The following PCDHA4 variants were observed in gnomAD, a reference collection of about 807,000 sequenced individuals.
PCDHA4 encodes the protein protocadherin alpha-4.
In PCDHA4, 49 loss-of-function variants were observed where a neutral mutation model predicts 61.4. That is an observed-to-expected ratio of 0.80 (90% CI 0.63 to 1.01). The LOEUF (loss-of-function observed/expected upper bound fraction) is 1.01. Among genes scored for constraint, PCDHA4 ranks in the 50% least tolerant of loss-of-function variants. PCDHA4 has a pLI of 0.00. For missense variants in PCDHA4, 1,254 were observed against 1,235.8 expected, an observed-to-expected ratio of 1.01 and a Z score of -0.22; for synonymous variants, 590 against 550.3, an observed-to-expected ratio of 1.07 and a Z score of -1.01.
At chr5:140,871,314 G>C (rs199741530) in intron 1 of PCDHA4, 3 of 1,614,048 alleles carry the variant, frequency 1.9e-6, no homozygotes, top group Admixed American at 3.3e-5. Flanking sequence ...GGAAGCCCAC[G>C]CTGGTGTGCT....
At chr5:140,851,158 C>G (rs2041978839) in intron 1 of PCDHA4, 1 of 1,299,046 alleles carries the variant, frequency 7.7e-7, no homozygotes, top group African/African-American at 1.5e-5. Context: ...ATTTCTGATG[C>G]TATGCTGCCA....
chr5:140,835,538 T>A, intron 1 of PCDHA4: 1 of 1,613,946 alleles, frequency 6.2e-7, no homozygotes, highest in African/African-American at 1.3e-5. Context: ...ACGGACAGGT[T>A]ACCTGCTCCC....
At chr5:140,870,132 C>T (rs371110623) in intron 1 of PCDHA4, 43 of 1,613,852 alleles carry the variant, frequency 2.7e-5, no homozygotes, top group East Asian at 4.5e-5. Context: ...TGGACACCAA[C>T]GATAACTCTC....
At chr5:140,998,533 T>C (rs1362807124) in intron 3 of PCDHA4, among the ~76,000 whole-genome samples, 1 of 152,020 alleles carries the variant, frequency 6.6e-6, no homozygotes, top group Non-Finnish European at 1.5e-5. Flanking sequence ...TTTATATCCC[T>C]AATTCCTAAT....
At chr5:141,007,777 T>G (rs1467527710) in intron 3 of PCDHA4, among the ~76,000 whole-genome samples, 2 of 152,226 alleles carry the variant, frequency 1.3e-5, no homozygotes, top group Non-Finnish European at 2.9e-5. Flanking sequence ...GAAATGGTAC[T>G]GCTTTACAAA....
intron 1 of PCDHA4, chr5:140,857,268 T>C (rs1554149751): frequency 3.1e-6 from 5 of 1,598,704 alleles, no homozygotes; most frequent in Non-Finnish European, 3.4e-6. Flanking sequence ...TACTCATTGG[T>C]GCTGGACAGC....
At chr5:141,005,114 G>A (rs2098198000) in intron 3 of PCDHA4, among the ~76,000 whole-genome samples, 2 of 152,042 alleles carry the variant, frequency 1.3e-5, no homozygotes, top group African/African-American at 2.4e-5. Flanking sequence ...TTGTCTTTAG[G>A]GACCCCAAAA....
intron 1 of PCDHA4, chr5:140,870,210 C>T (rs1430379869): frequency 6.2e-7 from 1 of 1,614,058 alleles, no homozygotes; most frequent in African/African-American, 1.3e-5. Context: ...CGGTCATTGC[C>T]CTGATCAGCG....
chr5:140,815,612 T>C (rs1765762414), intron 1 of PCDHA4: 1 of 152,158 alleles, frequency 6.6e-6, no homozygotes, highest in South Asian at 2.1e-4. Flanking sequence ...GTGACTTTTG[T>C]ACCACCATTA....
intron 1 of PCDHA4, chr5:140,863,475 C>T: frequency 2.1e-6 from 1 of 481,584 alleles, no homozygotes; most frequent in South Asian, 1.6e-5. Flanking sequence ...TGGAGAGTCG[C>T]CTCCCAAGGT....
intron 1 of PCDHA4, chr5:140,842,836 G>C: frequency 6.3e-7 from 1 of 1,593,818 alleles, no homozygotes; most frequent in Non-Finnish European, 8.6e-7. Context: ...GCTCGCTGTC[G>C]AGCTACATTT....
intron 1 of PCDHA4, among the ~76,000 whole-genome samples, chr5:140,894,679 C>A (rs1227870690): frequency 6.6e-6 from 1 of 151,682 alleles, no homozygotes; most frequent in African/African-American, 2.4e-5. Context: ...TCTTGCATAG[C>A]TTTTCATTAT....
intron 3 of PCDHA4, among the ~76,000 whole-genome samples, chr5:141,008,574 A>G (rs1554261815): frequency 1.3e-5 from 2 of 152,164 alleles, no homozygotes; most frequent in Admixed American, 1.3e-4. Context: ...TCATTTTCCC[A>G]AGACTCAGGG....
chr5:140,943,522 G>T (rs2093513187), intron 1 of PCDHA4, among the ~76,000 whole-genome samples: 1 of 152,144 alleles, frequency 6.6e-6, no homozygotes, highest in Non-Finnish European at 1.5e-5. Flanking sequence ...GTTGAGTTCA[G>T]TATGCAAAAT....
intron 1 of PCDHA4, chr5:140,875,283 C>G (rs1554167582): frequency 7.3e-7 from 1 of 1,362,346 alleles, no homozygotes; most frequent in Non-Finnish European, 9.6e-7. Context: ...GAAGGTGAAA[C>G]AGGAAAATTT....
intron 1 of PCDHA4, chr5:140,883,089 A>G (rs1403331305): frequency 1.1e-5 from 17 of 1,614,038 alleles, no homozygotes; most frequent in Non-Finnish European, 1.4e-5. Context: ...GATGGTACAA[A>G]TGGAGATATA....
chr5:140,971,184 A>C (rs1431296656), intron 1 of PCDHA4, among the ~76,000 whole-genome samples: 1 of 152,188 alleles, frequency 6.6e-6, no homozygotes, highest in African/African-American at 2.4e-5. Context: ...TGTAAGCCGG[A>C]AGCTCAGAGG....
intron 2 of PCDHA4, among the ~76,000 whole-genome samples, chr5:140,980,402 T>G (rs1019891422): frequency 2.0e-5 from 3 of 152,020 alleles, no homozygotes; most frequent in African/African-American, 7.2e-5. Context: ...GAGGCCGAGG[T>G]GGGCAGATCA....
At chr5:140,883,920 T>C in intron 1 of PCDHA4, 1 of 1,613,492 alleles carries the variant, frequency 6.2e-7, no homozygotes, top group Non-Finnish European at 8.5e-7. Flanking sequence ...AACGTGACGC[T>C]GCAGGTGTTC....
Sources: allele counts gnomAD v4.1 joint callset (sites outside exome capture counted in the v4.1 genomes callset), GRCh38; gene constraint gnomAD v4.1.1; transcripts MANE v1.5; gene names NCBI Gene and HGNC (gene_info 2026-07-23, HGNC 2026-07-21).